The following FHIT variants were observed in gnomAD, a reference collection of about 807,000 sequenced individuals.
FHIT encodes the protein fragile histidine triad diadenosine triphosphatase.
FHIT carries 19 observed loss-of-function variants against 17.9 expected under a neutral mutation model. That is an observed-to-expected ratio of 1.06 (90% CI 0.74 to 1.56). The LOEUF (loss-of-function observed/expected upper bound fraction) is 1.56, where lower values mean the gene tolerates loss of function less well. Among genes scored for constraint, FHIT ranks in the 40% most tolerant of loss-of-function variants. The probability of loss-of-function intolerance (pLI) is 0.00; values close to 1 mark genes in which losing one functional copy is unlikely to be tolerated. For synonymous variants in FHIT, 81 were observed against 69.7 expected (o/e 1.16, Z -0.81); for missense variants, 248 against 189.2 (o/e 1.31, Z -1.82).
At chr3:60,507,027 G>A (rs2034760796) in intron 5 of FHIT, among the ~76,000 whole-genome samples, 1 of 152,112 alleles carries the variant, frequency 6.6e-6, no homozygotes, top group Admixed American at 6.6e-5. Context: ...TCATAGTCTA[G>A]AGGAAGAAAA....
At chr3:60,615,259 T>G (rs116241011) in intron 4 of FHIT, among the ~76,000 whole-genome samples, 27 of 152,296 alleles carry the variant, frequency 1.8e-4, no homozygotes, top group African/African-American at 6.3e-4. Context: ...TGTTTACCAA[T>G]CATATAATAT....
intron 5 of FHIT, among the ~76,000 whole-genome samples, chr3:60,174,911 C>T (rs967044488): frequency 2.0e-5 from 3 of 152,200 alleles, no homozygotes; most frequent in Non-Finnish European, 1.5e-5. Context: ...TGCAATCATA[C>T]ATTTGAGTCA....
intron 2 of FHIT, among the ~76,000 whole-genome samples, chr3:61,096,766 T>C (rs574574437): frequency 1.2e-3 from 183 of 152,224 alleles, no homozygotes; most frequent in African/African-American, 3.9e-3. Flanking sequence ...TGCCATCTTT[T>C]TCTAAATTGG....
At chr3:60,069,239 A>G (rs1471761608) in intron 5 of FHIT, among the ~76,000 whole-genome samples, 1 of 151,764 alleles carries the variant, frequency 6.6e-6, no homozygotes, top group Non-Finnish European at 1.5e-5. Flanking sequence ...TTCATATTTT[A>G]TATATTGTAA....
chr3:60,130,658 GA>G (rs1163381890), intron 5 of FHIT, among the ~76,000 whole-genome samples: 5 of 151,686 alleles, frequency 3.3e-5, no homozygotes, highest in African/African-American at 1.2e-4. Context: ...CCACATTGTT[GA>G]AAAATTATTT....
chr3:60,846,006 T>C (rs1553746336), intron 3 of FHIT, among the ~76,000 whole-genome samples: 1 of 152,158 alleles, frequency 6.6e-6, no homozygotes, highest in African/African-American at 2.4e-5. Flanking sequence ...GCCTCTTGCA[T>C]AAGATTATTA....
chr3:60,606,623 T>C (rs1458329479), intron 4 of FHIT, among the ~76,000 whole-genome samples: 4 of 152,154 alleles, frequency 2.6e-5, no homozygotes, highest in Non-Finnish European at 4.4e-5. Flanking sequence ...TGCCTTTTCA[T>C]TCCACTCCAG....
chr3:61,086,005 C>T (rs1270069373), intron 2 of FHIT, among the ~76,000 whole-genome samples: 3 of 152,048 alleles, frequency 2.0e-5, no homozygotes, highest in Non-Finnish European at 4.4e-5. Flanking sequence ...TATCTAGCAT[C>T]CTTGCTAAAT....
At chr3:59,797,315 T>TA (rs1699817448) in intron 8 of FHIT, among the ~76,000 whole-genome samples, 1 of 151,944 alleles carries the variant, frequency 6.6e-6, no homozygotes, top group Non-Finnish European at 1.5e-5. Context: ...GCTTCCCAAA[T>TA]AGCTCAGATT....
intron 4 of FHIT, among the ~76,000 whole-genome samples, chr3:60,596,710 A>G (rs1237255185): frequency 1.3e-5 from 2 of 152,112 alleles, no homozygotes; most frequent in African/African-American, 4.8e-5. Context: ...TCCAAGTCTA[A>G]CAATAGTACT....
At chr3:60,270,757 A>C (rs213339) in intron 5 of FHIT, among the ~76,000 whole-genome samples, 74,085 of 152,028 alleles carry the variant, frequency 0.49, 18,360 homozygotes, top group South Asian at 0.64. Flanking sequence ...AGTGTGAAAG[A>C]GGGATGGGGC....
intron 2 of FHIT, among the ~76,000 whole-genome samples, chr3:61,170,250 G>A (rs752367871): frequency 1.6e-4 from 25 of 152,080 alleles, no homozygotes; most frequent in Non-Finnish European, 2.6e-4. Context: ...CCACAACCTG[G>A]TCAAATTACC....
chr3:60,585,578 C>T (rs1217261094), intron 4 of FHIT, among the ~76,000 whole-genome samples: 1 of 152,012 alleles, frequency 6.6e-6, no homozygotes, highest in Non-Finnish European at 1.5e-5. Flanking sequence ...CCTATCAATA[C>T]TGAGTCAACA....
chr3:59,940,618 A>G (rs1437546861), intron 7 of FHIT, among the ~76,000 whole-genome samples: 1 of 152,184 alleles, frequency 6.6e-6, no homozygotes, highest in East Asian at 1.9e-4. Flanking sequence ...AAGAGCATCG[A>G]GCTCTAAAGT....
chr3:59,769,279 C>T (rs1009076133), intron 8 of FHIT, among the ~76,000 whole-genome samples: 1 of 152,170 alleles, frequency 6.6e-6, no homozygotes, highest in Non-Finnish European at 1.5e-5. Context: ...GGCTGTGGCT[C>T]GGAGTGTGTT....
chr3:60,192,826 C>T (rs996996698), intron 5 of FHIT, among the ~76,000 whole-genome samples: 4 of 152,112 alleles, frequency 2.6e-5, no homozygotes, highest in Admixed American at 6.5e-5. Context: ...TTTGACTTTT[C>T]GTAACCACGA....
chr3:61,037,466 G>A (rs1266413067), intron 3 of FHIT, among the ~76,000 whole-genome samples: 1 of 152,140 alleles, frequency 6.6e-6, no homozygotes, highest in Non-Finnish European at 1.5e-5. Flanking sequence ...TTCTTCTTCT[G>A]TTAACAATTA....
chr3:61,078,724 T>C (rs1179868484), intron 2 of FHIT, among the ~76,000 whole-genome samples: 2 of 152,166 alleles, frequency 1.3e-5, no homozygotes, highest in Non-Finnish European at 2.9e-5. Context: ...TTTAAACCAA[T>C]AATAGTGATC....
intron 2 of FHIT, among the ~76,000 whole-genome samples, chr3:61,057,975 G>A (rs1167901114): frequency 6.6e-6 from 1 of 152,062 alleles, no homozygotes. Context: ...GCTGGCATCT[G>A]AAATCAAACT....
Sources: allele counts gnomAD v4.1 joint callset (sites outside exome capture counted in the v4.1 genomes callset), GRCh38; gene constraint gnomAD v4.1.1; transcripts MANE v1.5; gene names NCBI Gene and HGNC (gene_info 2026-07-23, HGNC 2026-07-21).